The following CFLAR variants were observed in gnomAD, a reference collection of about 807,000 sequenced individuals.
CFLAR encodes the protein CASP8 and FADD-like apoptosis regulator.
In CFLAR, 14 loss-of-function variants were observed where a neutral mutation model predicts 51.1. The observed-to-expected ratio is 0.27, with a 90% CI of 0.18 to 0.43. The LOEUF (loss-of-function observed/expected upper bound fraction) is 0.43. CFLAR is among the 20% of genes least tolerant of loss of function. CFLAR has a pLI of 1.00. For synonymous variants in CFLAR, 210 were observed against 211.6 expected (o/e 0.99, Z 0.06); for missense variants, 390 against 566.5 (o/e 0.69, Z 3.16).
At chr2:201,122,264 G>A (rs1280304622) in intron 1 of CFLAR, among the ~76,000 whole-genome samples, 1 of 152,136 alleles carries the variant, frequency 6.6e-6, no homozygotes, top group Non-Finnish European at 1.5e-5. Flanking sequence ...ATTTTGCATG[G>A]GGGCTTACCC....
In CFLAR at chr2:201,130,350, TTTC is replaced by T. The variant is rs1233274504; in HGVS notation, c.281+207_281+209del. ...TGTTTTCTTGCTTTCTTTTTCTTTC[TTTC>T]TTTTTTTTTTTTTTTTTTTTTTTTT... On this transcript the variant is annotated intron_variant, in intron 2 of 9. Transcript: ENST00000309955. Among the ~76,000 whole-genome samples, 168 of 141,664 alleles carry T rather than the reference TTTC, an allele frequency of 1.2e-3. 1 individual carries two copies. Among genetic ancestry groups the T allele is most frequent in the African/African-American group, 4.4e-3 (159 of 36,360 alleles). The allele number at this position is 141,664 out of a possible 152,430, so 92.9% of individuals were successfully genotyped here. A position where few individuals can be genotyped will look rare whatever the true frequency, so the allele number is the denominator to read the frequency against.
Position 201,172,308 on chromosome 2 carries a change from A to G in CFLAR, c.*8335A>G, listed in dbSNP as rs967876304. On this transcript the variant is annotated 3_prime_UTR_variant, in exon 10 of 10. Coordinates refer to ENST00000309955, the MANE Select transcript of CFLAR (RefSeq NM_003879.7). ...ATTCATGACCTTACTTTAGCAAGCA[A>G]TGAACGTGATGTAAACTATTGTTGA... is the stretch of plus-strand genomic sequence containing the variant. The G allele has an allele frequency of 1.3e-5, 2 of 152,222 alleles. No homozygotes were observed. The highest frequency in any genetic ancestry group is 4.8e-5 in the African/African-American group (2 of 41,450). 9.4% of individuals were successfully genotyped at this position (152,222 alleles called of 1,614,324 possible).
chr2:201,164,277 TTA>T lies in CFLAR; in HGVS notation c.*305_*306del. On this transcript the variant is annotated 3_prime_UTR_variant, in exon 10 of 10. Transcript: ENST00000309955. ...GGCAATATAGCAAGATCCCATCTCT[TTA>T]AAAAAAAAAAAAAAGGACAGGAACT... The T allele has an allele frequency of 1.9e-5, 3 of 154,552 alleles. No individual in the cohort carries two copies. Among genetic ancestry groups the T allele is most frequent in the East Asian group, 1.3e-4 (1 of 7,628 alleles). 9.6% of individuals were successfully genotyped at this position (154,552 alleles called of 1,614,324 possible).
At chr2:201,133,653 G>T (rs1167581585) in intron 3 of CFLAR, among the ~76,000 whole-genome samples, 1 of 152,098 alleles carries the variant, frequency 6.6e-6, no homozygotes, top group African/African-American at 2.4e-5. Context: ...CCAGGAGGCC[G>T]GGCGCAGTGG....
At chr2:201,131,208 A>G (rs1210856962) in intron 2 of CFLAR, among the ~76,000 whole-genome samples, 1 of 152,154 alleles carries the variant, frequency 6.6e-6, no homozygotes, top group African/African-American at 2.4e-5. Context: ...TTCCTGGGGA[A>G]AGGAAGATAA....
intron 4 of CFLAR, chr2:201,136,507 C>T: frequency 6.4e-7 from 1 of 1,565,256 alleles, no homozygotes; most frequent in Non-Finnish European, 8.6e-7. Flanking sequence ...TCATACCTTC[C>T]TTGCATGTGT....
At chr2:201,122,644 G>A (rs2048301568) in intron 1 of CFLAR, 1 of 152,162 alleles carries the variant, frequency 6.6e-6, no homozygotes, top group African/African-American at 2.4e-5. Flanking sequence ...ATAAAATGCT[G>A]GAAGAGAACA....
chr2:201,125,609 G>T (rs1205912732), intron 1 of CFLAR, among the ~76,000 whole-genome samples: 1 of 152,054 alleles, frequency 6.6e-6, no homozygotes, highest in Non-Finnish European at 1.5e-5. Context: ...AGGAGTTTGT[G>T]CCTGATACAT....
rs933172297 is a variant in CFLAR at position 201,176,335 on chromosome 2, A to T, written c.*12362A>T. ...TCCCTGGCACCACCTGTGACCAATT[A>T]TTACTTTACAGAAACATTTAACAAC... On this transcript the variant is annotated 3_prime_UTR_variant, in exon 10 of 10. Transcript: ENST00000309955. 5 of 144,282 alleles carry T rather than the reference A, an allele frequency of 3.5e-5. No homozygotes were observed. Among genetic ancestry groups the T allele is most frequent in the African/African-American group, 1.3e-4 (5 of 37,158 alleles). 8.9% of individuals were successfully genotyped at this position (144,282 alleles called of 1,614,324 possible). A position where few individuals can be genotyped will look rare whatever the true frequency, so the allele number is the denominator to read the frequency against.
chr2:201,145,486 T>C, intron 6 of CFLAR, 54 bp downstream of exon 6: 2 of 1,123,938 alleles, frequency 1.8e-6, no homozygotes, highest in Non-Finnish European at 2.7e-6. Context: ...ATAATTCTAG[T>C]ACAAATATTG....
chr2:201,145,381 C>T lies in CFLAR; in HGVS notation c.610C>T (p.His204Tyr). The T allele has an allele frequency of 1.9e-6, 3 of 1,601,238 alleles. No individual in the cohort carries two copies. Among genetic ancestry groups the T allele is most frequent in the Non-Finnish European group, 2.6e-6 (3 of 1,168,954 alleles). Residue 204 changes from histidine to tyrosine, a missense_variant, in exon 6 of 10, where the codon CAT (histidine) becomes TAT (tyrosine). His to Tyr is a moderately conservative substitution (Grantham distance 83). This residue lies in a region of CFLAR where 287 missense variants were observed against 363.6 expected (regional missense o/e 0.79). Coordinates refer to ENST00000309955, the MANE Select transcript of CFLAR (RefSeq NM_003879.7). The stretch of plus-strand genomic sequence containing the variant: ...ACCTTATTCTTTGTATTTGAAGCTC[C>T]ATAATGGGAGAAGTAAAGAACAAAG... ...LKDPSNNFRL[H>Y]NGRSKEQRLK...
At chr2:201,117,045 G>C (rs1175193738) in intron 1 of CFLAR, 1 of 152,118 alleles carries the variant, frequency 6.6e-6, no homozygotes, top group Non-Finnish European at 1.5e-5. Flanking sequence ...TTTTCCTTTC[G>C]AAAGTTGTTG....
At chr2:201,132,430 A>AATATATATATATATATAT (rs35648857) in intron 2 of CFLAR, among the ~76,000 whole-genome samples, 15 of 137,960 alleles carry the variant, frequency 1.1e-4, no homozygotes, top group African/African-American at 3.3e-4. Flanking sequence ...GGGGGGGAAA[A>AATATATATATATATATAT]ATATATATAT....
chr2:201,151,958 GTCCCT>G (rs1170875541), intron 8 of CFLAR, among the ~76,000 whole-genome samples: 1 of 151,702 alleles, frequency 6.6e-6, no homozygotes, highest in Admixed American at 6.6e-5. Context: ...CTTGGGCAAT[GTCCCT>G]GGCCTCTTTA....
intron 4 of CFLAR, chr2:201,137,716 C>T (rs1220325682): frequency 7.7e-6 from 6 of 777,612 alleles, no homozygotes; most frequent in Admixed American, 5.1e-5. Context: ...GACCCTTTGT[C>T]CTGGATGGAG....
rs1448399640 is a variant in CFLAR, at chr2:201,116,385, T to A, written c.-234T>A. The A allele has an allele frequency of 6.6e-6, 1 of 152,310 alleles. No homozygotes were observed. Among genetic ancestry groups the A allele is most frequent in the African/African-American group, 2.4e-5 (1 of 41,454 alleles). 9.4% of individuals were successfully genotyped at this position (152,310 alleles called of 1,614,324 possible). On this transcript the variant is annotated 5_prime_UTR_variant, in exon 1 of 10. Coordinates refer to ENST00000309955, the MANE Select transcript of CFLAR (RefSeq NM_003879.7). This position sits in a 1 kb window ranked among gnomAD's most constrained non-coding sequence, Gnocchi z 4.8. Reference sequence around the variant, plus strand: ...CAGCACCAAGTCCGCTTCCAGGCTTTCGGTTTCTTTGCCTCCATCTTGGGT... The same window carrying A: ...CAGCACCAAGTCCGCTTCCAGGCTTACGGTTTCTTTGCCTCCATCTTGGGT...
rs1371021375 is a variant in CFLAR at position 201,158,424 on chromosome 2, G to GAC, written c.794-2006_794-2005dup. 6.6e-5 allele frequency among the ~76,000 whole-genome samples: 10 copies of GAC among 152,356 alleles called. No homozygotes were observed. In the East Asian group the frequency reaches 1.9e-3, roughly 29 times the overall value. ...TCAAGGACTTTGTTTGATAAGGAAGGACATTTATCAGTGAAGAGAGGTTTT... is the reference window on the plus strand; with the variant it reads ...TCAAGGACTTTGTTTGATAAGGAAGGACACATTTATCAGTGAAGAGAGGTTTT... On this transcript the variant is annotated intron_variant, in intron 8 of 9. Coordinates refer to ENST00000309955, the MANE Select transcript of CFLAR (RefSeq NM_003879.7).
chr2:201,170,977 G>A lies in CFLAR; in HGVS notation c.*7004G>A, dbSNP rs1394000889. The A allele has an allele frequency of 6.6e-6, 1 of 152,154 alleles. No individual in the cohort carries two copies. The highest frequency in any genetic ancestry group is 6.6e-5 in the Admixed American group (1 of 15,258). The allele number at this position is 152,154 out of a possible 1,614,324, so 9.4% of individuals were successfully genotyped here. A position where few individuals can be genotyped will look rare whatever the true frequency, so the allele number is the denominator to read the frequency against. On this transcript the variant is annotated 3_prime_UTR_variant, in exon 10 of 10. Transcript: ENST00000309955. Reference sequence around the variant, plus strand: ...AATAACCTCACCTAAACACTACTCAGCCATAAAAAGGAATGAATTAATGAC... The same window carrying A: ...AATAACCTCACCTAAACACTACTCAACCATAAAAAGGAATGAATTAATGAC...
intron 3 of CFLAR, 26 bp downstream of exon 3, chr2:201,133,160 GC>G: frequency 2.6e-6 from 4 of 1,566,362 alleles, no homozygotes; most frequent in Non-Finnish European, 3.5e-6. Context: ...TTGGTTCATG[GC>G]CCCAGGAGCC....
Sources: gnomAD v4.1 joint callset for allele counts (sites outside exome capture counted in the v4.1 genomes callset) on GRCh38, gnomAD v4.1.1 for gene constraint, gnomAD v4.1.1 regional missense constraint, Gnocchi (gnomAD v3.1) non-coding constraint, MANE v1.5 for transcripts, NCBI Gene and HGNC (gene_info 2026-07-23, HGNC 2026-07-21) for gene names.